The following CLIC2 variants were observed in gnomAD, a reference collection of about 807,000 sequenced individuals.
The protein encoded by CLIC2 is chloride intracellular channel protein 2.
Under a neutral mutation model 14.8 loss-of-function variants are expected in CLIC2, and 9 were observed. That is an observed-to-expected ratio of 0.61 (90% CI 0.37 to 1.06). The LOEUF (loss-of-function observed/expected upper bound fraction) is 1.06. Among genes scored for constraint, CLIC2 ranks in the 50% least tolerant of loss-of-function variants. CLIC2 has a pLI of 0.01. For missense variants in CLIC2, 148 were observed against 181.4 expected, an observed-to-expected ratio of 0.82 and a Z score of 1.06; for synonymous variants, 61 against 66.3, an observed-to-expected ratio of 0.92 and a Z score of 0.39.
rs782036184 is a variant in CLIC2 at position 155,316,815 on chromosome X, C to T, written c.57+17556G>A. ...GTTTGAGGGTAGGAAGTATCCAGCA[C>T]GAGAGAAAGATGTAGGCTGGGAGGC... is the stretch of plus-strand genomic sequence containing the variant. On this transcript the variant is annotated intron_variant, in intron 1 of 5. Coordinates refer to ENST00000369449, the MANE Select transcript of CLIC2 (RefSeq NM_001289.6). Among the ~76,000 whole-genome samples the T allele has an allele frequency of 3.7e-4, 41 of 110,782 alleles. No homozygotes were observed. In the South Asian group the frequency reaches 0.014, roughly 37 times the overall value.
intron 1 of CLIC2, among the ~76,000 whole-genome samples, chrX:155,305,429 C>T (rs1006269647): frequency 2.7e-5 from 3 of 112,567 alleles, no homozygotes; most frequent in African/African-American, 9.7e-5. Flanking sequence ...CGCCCTGCTT[C>T]GGCTCGCGCA....
chrX:155,318,896 A>G (rs1174248935), intron 1 of CLIC2, among the ~76,000 whole-genome samples: 1 of 112,000 alleles, frequency 8.9e-6, no homozygotes, highest in Non-Finnish European at 1.9e-5. Context: ...CAGAACCCAG[A>G]AATATAGCCA....
intron 1 of CLIC2, among the ~76,000 whole-genome samples, chrX:155,323,583 T>C (rs782111900): frequency 8.9e-6 from 1 of 112,081 alleles, no homozygotes; most frequent in South Asian, 3.7e-4. Flanking sequence ...TCATACTGAA[T>C]GGGCAAAAGC....
rs781955607 is a variant in CLIC2, at chrX:155,277,146, T to A, written c.*757A>T. On this transcript the variant is annotated 3_prime_UTR_variant, in exon 6 of 6. Coordinates refer to ENST00000369449, the MANE Select transcript of CLIC2 (RefSeq NM_001289.6). Reference sequence around the variant, plus strand: ...AAGGACTGTTTACCTTATCCTTTTATGGACAACAAGAAGACCTTTTGGTCA... The same window carrying A: ...AAGGACTGTTTACCTTATCCTTTTAAGGACAACAAGAAGACCTTTTGGTCA... The A allele has an allele frequency of 7.1e-5, 8 of 112,731 alleles. No homozygotes were observed. The highest frequency in any genetic ancestry group is 4.7e-3 in the Middle Eastern group (1 of 215). The allele number at this position is 112,731 out of a possible 1,213,427, so 9.3% of individuals were successfully genotyped here. A position where few individuals can be genotyped will look rare whatever the true frequency, so the allele number is the denominator to read the frequency against.
rs59429236 is a variant in CLIC2, at chrX:155,313,197, C to CAA, written c.58-14054_58-14053dup. ...ATGCCACCTCTCTATATAAATAAGGCAAAAAAAAAAAAAAAAAACAAAACT... is the reference window on the plus strand; with the variant it reads ...ATGCCACCTCTCTATATAAATAAGGCAAAAAAAAAAAAAAAAAAAACAAAACT... On this transcript the variant is annotated intron_variant, in intron 1 of 5. Transcript: ENST00000369449. Among the ~76,000 whole-genome samples the CAA allele has an allele frequency of 8.6e-3, 280 of 32,640 alleles. 1 individual carries two copies. Among genetic ancestry groups the CAA allele is most frequent in the African/African-American group, 0.015 (167 of 11,246 alleles). 28.3% of individuals were successfully genotyped at this position (32,640 alleles called of 115,157 possible).
intron 1 of CLIC2, among the ~76,000 whole-genome samples, chrX:155,318,988 C>T (rs981302782): frequency 2.7e-5 from 3 of 111,678 alleles, no homozygotes; most frequent in Admixed American, 9.5e-5. Flanking sequence ...CAAATAATGT[C>T]GGGATAATTG....
In CLIC2 at chrX:155,304,859, C is replaced by T. The variant is rs1315504483; in HGVS notation, c.58-5714G>A. On this transcript the variant is annotated intron_variant, in intron 1 of 5. Transcript: ENST00000369449. ...CTGCCGTGTGAGGTGTCAGTGTGCC[C>T]CTGCTGGGGGGTGCCTCCCAGTTAG... Among the ~76,000 whole-genome samples the T allele has an allele frequency of 2.2e-4, 20 of 91,792 alleles. 1 individual carries two copies. Among genetic ancestry groups the T allele is most frequent in the African/African-American group, 7.4e-4 (20 of 27,132 alleles). 79.7% of individuals were successfully genotyped at this position (91,792 alleles called of 115,157 possible). A position where few individuals can be genotyped will look rare whatever the true frequency, so the allele number is the denominator to read the frequency against.
chrX:155,312,937 A>C, intron 1 of CLIC2, among the ~76,000 whole-genome samples: 1 of 111,663 alleles, frequency 9.0e-6, no homozygotes, highest in Non-Finnish European at 1.9e-5. Context: ...GAAGACATGC[A>C]TGTGGCCAAT....
At chrX:155,332,684 G>A (rs1334462032) in intron 1 of CLIC2, among the ~76,000 whole-genome samples, 1 of 111,974 alleles carries the variant, frequency 8.9e-6, no homozygotes, top group Non-Finnish European at 1.9e-5. Flanking sequence ...CATATAGTAA[G>A]TACTCAATAA....
chrX:155,288,291 T>C (rs2074950209), intron 3 of CLIC2, among the ~76,000 whole-genome samples: 1 of 112,214 alleles, frequency 8.9e-6, no homozygotes, highest in African/African-American at 3.2e-5. Context: ...CTAGGTATGA[T>C]AATGCCACCT....
chrX:155,279,143 A>G lies in CLIC2; in HGVS notation c.582+6T>C, dbSNP rs2074909249. ...CACCCATTCAGCCTGCCTTATAAAG[A>G]CTTACTTTAATAATGTTCAGCTTGG... On this transcript the variant is annotated splice_donor_region_variant and intron_variant, in intron 5 of 5. Coordinates refer to ENST00000369449, the MANE Select transcript of CLIC2 (RefSeq NM_001289.6). 2 of 1,208,265 alleles carry G rather than the reference A, an allele frequency of 1.7e-6. No homozygotes were observed. The highest frequency in any genetic ancestry group is 2.2e-5 in the Admixed American group (1 of 45,923).
At chrX:155,321,772 G>T (rs2075116103) in intron 1 of CLIC2, among the ~76,000 whole-genome samples, 1 of 111,037 alleles carries the variant, frequency 9.0e-6, no homozygotes, top group Non-Finnish European at 1.9e-5. Flanking sequence ...CGGCAAATTG[G>T]ATAAAGAGTC....
chrX:155,298,533 C>A (rs2075002795), intron 3 of CLIC2, among the ~76,000 whole-genome samples: 3 of 112,221 alleles, frequency 2.7e-5, no homozygotes, highest in Non-Finnish European at 1.9e-5. Context: ...TGTTCCTACT[C>A]TATTTCTAGA....
intron 3 of CLIC2, chrX:155,292,612 T>C (rs1339648372): frequency 3.3e-5 from 9 of 270,079 alleles, no homozygotes; most frequent in South Asian, 1.9e-4. Context: ...CTACTAAAAA[T>C]ACAAAAAATT....
chrX:155,296,818 C>T (rs1378686642), intron 3 of CLIC2, among the ~76,000 whole-genome samples: 1 of 110,993 alleles, frequency 9.0e-6, no homozygotes, highest in Non-Finnish European at 1.9e-5. Context: ...AATTAACAGA[C>T]GTTGGCAAGG....
intron 1 of CLIC2, among the ~76,000 whole-genome samples, chrX:155,325,588 C>T (rs1557322214): frequency 9.5e-6 from 1 of 105,298 alleles, no homozygotes; most frequent in Non-Finnish European, 2.0e-5. Flanking sequence ...GAGCCAGTTG[C>T]GGAGTGGGGG....
At chrX:155,327,624 C>T (rs1557322463) in intron 1 of CLIC2, among the ~76,000 whole-genome samples, 1 of 110,413 alleles carries the variant, frequency 9.1e-6, no homozygotes, top group African/African-American at 3.3e-5. Context: ...TTACAAGTGG[C>T]AGCTAAAAGA....
intron 1 of CLIC2, among the ~76,000 whole-genome samples, chrX:155,329,784 C>G (rs1370004611): frequency 9.0e-6 from 1 of 110,561 alleles, no homozygotes; most frequent in African/African-American, 3.3e-5. Context: ...TTGGAAGCAA[C>G]CTAAATATCC....
intron 1 of CLIC2, among the ~76,000 whole-genome samples, chrX:155,332,062 A>G (rs1169107790): frequency 9.0e-6 from 1 of 111,687 alleles, no homozygotes; most frequent in Non-Finnish European, 1.9e-5. Context: ...ACAACAAATC[A>G]TTAAGATTAT....
Sources: allele counts gnomAD v4.1 joint callset (sites outside exome capture counted in the v4.1 genomes callset), GRCh38; gene constraint gnomAD v4.1.1; transcripts MANE v1.5; gene names NCBI Gene and HGNC (gene_info 2026-07-23, HGNC 2026-07-21).